The following MGAT4C variants were observed in gnomAD, a reference collection of about 807,000 sequenced individuals.
MGAT4C encodes alpha-1,3-mannosyl-glycoprotein 4-beta-N-acetylglucosaminyltransferase C.
In MGAT4C, 19 loss-of-function variants were observed where a neutral mutation model predicts 40.1. The observed-to-expected ratio is 0.47, with a 90% CI of 0.33 to 0.70. The LOEUF (loss-of-function observed/expected upper bound fraction) is 0.70, where lower values mean the gene tolerates loss of function less well. MGAT4C is among the 30% of genes least tolerant of loss of function. MGAT4C has a pLI of 0.02. For synonymous variants in MGAT4C, 181 were observed against 187.1 expected (o/e 0.97, Z 0.27); for missense variants, 491 against 563.2 (o/e 0.87, Z 1.30).
chr12:86,517,887 A>T (rs1292374946), intron 2 of MGAT4C, among the ~76,000 whole-genome samples: 2 of 152,078 alleles, frequency 1.3e-5, no homozygotes, highest in Non-Finnish European at 2.9e-5. Context: ...TGACCTCGTG[A>T]TCTGCCTGCC....
intron 3 of MGAT4C, among the ~76,000 whole-genome samples, chr12:86,410,066 G>T (rs1218807070): frequency 6.6e-6 from 1 of 152,076 alleles, no homozygotes; most frequent in East Asian, 1.9e-4. Context: ...GGGCAATAAA[G>T]ATCACAAGGC....
rs181579533 is a variant in MGAT4C at position 86,539,030 on chromosome 12, T to A, written c.-228-103765A>T. Among the ~76,000 whole-genome samples the A allele has an allele frequency of 7.8e-4, 119 of 152,298 alleles. 1 individual carries two copies. The highest frequency in any genetic ancestry group is 7.2e-4 in the Admixed American group (11 of 15,300). Reference sequence around the variant, plus strand: ...TTCATATATTCTAAAAACTTTTTTTTAATTATTATTATACTTTAAGTTCTA... The same window carrying A: ...TTCATATATTCTAAAAACTTTTTTTAAATTATTATTATACTTTAAGTTCTA... On this transcript the variant is annotated intron_variant, in intron 2 of 7. Coordinates refer to the MGAT4C transcript ENST00000548651.
At chr12:86,693,426 G>A (rs982367577) in intron 2 of MGAT4C, among the ~76,000 whole-genome samples, 1 of 152,042 alleles carries the variant, frequency 6.6e-6, no homozygotes, top group Non-Finnish European at 1.5e-5. Flanking sequence ...ACTATGAAGT[G>A]TATTGTAATT....
At chr12:86,390,871 T>C (rs2136228097) in intron 3 of MGAT4C, among the ~76,000 whole-genome samples, 1 of 152,266 alleles carries the variant, frequency 6.6e-6, no homozygotes, top group African/African-American at 2.4e-5. Flanking sequence ...GGCCACAAAA[T>C]AGAGAAATTT....
chr12:86,500,533 T>C (rs1208881547), intron 2 of MGAT4C, among the ~76,000 whole-genome samples: 1 of 151,872 alleles, frequency 6.6e-6, no homozygotes, highest in Non-Finnish European at 1.5e-5. Flanking sequence ...CATAGTAAAA[T>C]AGAGAAGATA....
intron 1 of MGAT4C, among the ~76,000 whole-genome samples, chr12:86,156,361 T>G (rs1884926374): frequency 6.6e-6 from 1 of 152,190 alleles, no homozygotes; most frequent in Admixed American, 6.5e-5. Flanking sequence ...CTGCTCTTGT[T>G]GTCCAGGCTG....
intron 1 of MGAT4C, among the ~76,000 whole-genome samples, chr12:86,806,108 A>G (rs1053791319): frequency 6.6e-6 from 1 of 151,872 alleles, no homozygotes; most frequent in Non-Finnish European, 1.5e-5. Context: ...TTTTTGTAAA[A>G]AAAAACCTTT....
rs183239534 is a variant in MGAT4C at position 86,627,918 on chromosome 12, T to C, written c.-229+99291A>G. ...CTTTGAGGAGTTGACAGAAGTAGGC[T>C]TCAGAAAGTCAGTAATAACAAACTT... On this transcript the variant is annotated intron_variant, in intron 2 of 7. Coordinates refer to the MGAT4C transcript ENST00000548651. 1.8e-3 allele frequency among the ~76,000 whole-genome samples: 267 copies of C among 151,756 alleles called. 1 individual carries two copies. Among genetic ancestry groups the C allele is most frequent in the African/African-American group, 6.3e-3 (260 of 41,512 alleles).
intron 3 of MGAT4C, among the ~76,000 whole-genome samples, chr12:86,371,167 C>T (rs571733284): frequency 1.3e-5 from 2 of 151,906 alleles, no homozygotes; most frequent in African/African-American, 2.4e-5. Context: ...TCTTCCTTTC[C>T]TTCTTGCCTT....
At chr12:86,448,018 G>GGTGCATGATTGAC (rs1360097990) in intron 2 of MGAT4C, among the ~76,000 whole-genome samples, 1 of 152,088 alleles carries the variant, frequency 6.6e-6, no homozygotes, top group Admixed American at 6.6e-5. Context: ...ATTGGCCAAT[G>GGTGCATGATTGAC]GTGCATGATT....
At chr12:86,206,180 C>A (rs1407519825) in intron 1 of MGAT4C, among the ~76,000 whole-genome samples, 2 of 152,120 alleles carry the variant, frequency 1.3e-5, no homozygotes, top group African/African-American at 4.8e-5. Flanking sequence ...GTAGACTCAA[C>A]ACACTGGCAT....
Position 86,700,162 on chromosome 12 carries a change from C to CAGATAGAT in MGAT4C, c.-229+27046_-229+27047insATCTATCT, listed in dbSNP as rs1473842122. On this transcript the variant is annotated intron_variant, in intron 2 of 7. Coordinates refer to the MGAT4C transcript ENST00000548651. ...ATAGACAGACAGACAGACAGACAGA[C>CAGATAGAT]AGACAGACAGACAGACAGATAGATA... Among the ~76,000 whole-genome samples the CAGATAGAT allele has an allele frequency of 1.2e-4, 5 of 41,970 alleles. No homozygotes were observed. In the East Asian group the frequency reaches 2.2e-3, roughly 18 times the overall value. 27.5% of individuals were successfully genotyped at this position (41,970 alleles called of 152,430 possible).
intron 3 of MGAT4C, among the ~76,000 whole-genome samples, chr12:86,421,267 G>A (rs918395934): frequency 7.2e-5 from 11 of 152,124 alleles, no homozygotes; most frequent in South Asian, 4.2e-4. Flanking sequence ...CCTATGGTTC[G>A]GATAATTGTT....
At chr12:86,226,334 T>C (rs1016868216) in intron 1 of MGAT4C, among the ~76,000 whole-genome samples, 1 of 151,922 alleles carries the variant, frequency 6.6e-6, no homozygotes, top group Non-Finnish European at 1.5e-5. Flanking sequence ...TTAAAAAGTA[T>C]GAAAAAATCA....
chr12:86,617,466 C>A (rs1166874063), intron 2 of MGAT4C, among the ~76,000 whole-genome samples: 1 of 152,052 alleles, frequency 6.6e-6, no homozygotes, highest in African/African-American at 2.4e-5. Flanking sequence ...AAAAATAAGA[C>A]CTAAAACATC....
intron 1 of MGAT4C, among the ~76,000 whole-genome samples, chr12:86,110,306 A>ATATATAGTC (rs1555224781): frequency 4.6e-4 from 7 of 15,178 alleles, no homozygotes; most frequent in East Asian, 7.6e-3. Flanking sequence ...CTCTCTATAT[A>ATATATAGTC]TATATATATA....
intron 2 of MGAT4C, among the ~76,000 whole-genome samples, chr12:86,676,919 G>C (rs577824847): frequency 6.6e-6 from 1 of 152,028 alleles, no homozygotes; most frequent in Admixed American, 6.6e-5. Context: ...ATATTTAAAA[G>C]GTAGATGGAA....
At chr12:86,376,993 A>G (rs1011503708) in intron 3 of MGAT4C, among the ~76,000 whole-genome samples, 1 of 151,890 alleles carries the variant, frequency 6.6e-6, no homozygotes, top group African/African-American at 2.4e-5. Context: ...ATATTTTTCT[A>G]CATTTCATTA....
At chr12:86,260,742 T>C (rs188253457), upstream of MGAT4C, among the ~76,000 whole-genome samples, 1 of 152,192 alleles carries the variant, frequency 6.6e-6, no homozygotes, top group East Asian at 1.9e-4. Flanking sequence ...CCCTGAACAA[T>C]GTTGTCTAAC....
Sources: allele counts gnomAD v4.1 joint callset (sites outside exome capture counted in the v4.1 genomes callset), GRCh38; gene constraint gnomAD v4.1.1; transcripts MANE v1.5; gene names NCBI Gene and HGNC (gene_info 2026-07-23, HGNC 2026-07-21).